The following RASGEF1C variants were observed in gnomAD, a reference collection of about 807,000 sequenced individuals.
The protein encoded by RASGEF1C is RasGEF domain family member 1C.
In RASGEF1C, 27 loss-of-function variants were observed where a neutral mutation model predicts 58.1. The observed-to-expected ratio is 0.46, with a 90% CI of 0.34 to 0.64. The LOEUF is 0.64. Among genes scored for constraint, RASGEF1C ranks in the 30% least tolerant of loss-of-function variants. The pLI is 0.01. For missense variants in RASGEF1C, 502 were observed against 605.1 expected (o/e 0.83, Z 1.79); for synonymous variants, 243 against 246.3 (o/e 0.99, Z 0.13).
intron 1 of RASGEF1C, among the ~76,000 whole-genome samples, chr5:180,184,821 T>C (rs1195483801): frequency 1.3e-5 from 2 of 152,222 alleles, no homozygotes; most frequent in African/African-American, 4.8e-5. Context: ...CATTCCATAA[T>C]GACAAAGGGT....
Position 180,119,141 on chromosome 5 carries a change from G to C in RASGEF1C, c.907+205C>G, listed in dbSNP as rs1766124400. 2.0e-5 allele frequency among the ~76,000 whole-genome samples: 3 copies of C among 152,254 alleles called. No homozygotes were observed. In the South Asian group the frequency reaches 6.2e-4, roughly 32 times the overall value. Reference sequence around the variant, plus strand: ...AAGCCCTCACCAAACATCCCGAGGGGGCTGGGCTTGCCTCAAAAGGGGTGG... The same window carrying C: ...AAGCCCTCACCAAACATCCCGAGGGCGCTGGGCTTGCCTCAAAAGGGGTGG... On this transcript the variant is annotated intron_variant, in intron 8 of 13. Coordinates refer to ENST00000361132, the MANE Select transcript of RASGEF1C (RefSeq NM_175062.4).
At position 180,127,369 on chromosome 5, in the gene RASGEF1C, C is replaced by T. The variant is rs569787905; in HGVS notation, c.714+240G>A. Among the ~76,000 whole-genome samples, 60 of 152,360 alleles carry T rather than the reference C, an allele frequency of 3.9e-4. No individual in the cohort carries two copies. In the South Asian group the frequency reaches 0.012, roughly 32 times the overall value. ...CTGGTTCCTGGCCCACTCCTCCTCC[C>T]TCGCTGGGTGGGTGACCCCCACGTC... On this transcript the variant is annotated intron_variant, in intron 6 of 13. Transcript: ENST00000361132.
intron 1 of RASGEF1C, among the ~76,000 whole-genome samples, chr5:180,187,150 C>A (rs1173409367): frequency 6.6e-6 from 1 of 152,048 alleles, no homozygotes; most frequent in Non-Finnish European, 1.5e-5. Flanking sequence ...GAAAAGGGAG[C>A]CAACATCATT....
chr5:180,184,178 AAAATAAATAAAT>A (rs71001083), intron 1 of RASGEF1C, among the ~76,000 whole-genome samples: 2 of 142,328 alleles, frequency 1.4e-5, no homozygotes, highest in African/African-American at 2.5e-5. Flanking sequence ...TAAATAAATA[AAAATAAATAAAT>A]AAATAAATAA....
intron 1 of RASGEF1C, among the ~76,000 whole-genome samples, chr5:180,192,455 C>T (rs79019095): frequency 0.034 from 5,225 of 151,890 alleles, 288 homozygotes; most frequent in African/African-American, 0.12. Context: ...GTCACACAGC[C>T]GCTTGAAAAA....
At chr5:180,128,086 C>T (rs1766293544) in intron 5 of RASGEF1C, among the ~76,000 whole-genome samples, 3 of 152,202 alleles carry the variant, frequency 2.0e-5, no homozygotes, top group Admixed American at 1.3e-4. Flanking sequence ...CCTTTCTGGG[C>T]CTTAGTTTCC....
chr5:180,190,326 A>G (rs112290361), intron 1 of RASGEF1C, among the ~76,000 whole-genome samples: 2,930 of 151,766 alleles, frequency 0.019, 91 homozygotes, highest in African/African-American at 0.067. Flanking sequence ...TCTCTACTAA[A>G]AACAAAACAA....
chr5:180,113,937 C>G (rs1284650490), intron 11 of RASGEF1C, among the ~76,000 whole-genome samples: 1 of 152,118 alleles, frequency 6.6e-6, no homozygotes, highest in African/African-American at 2.4e-5. Flanking sequence ...GGTGGGCTCT[C>G]TCTGCCTGGC....
chr5:180,128,970 C>T (rs970728096), intron 4 of RASGEF1C, among the ~76,000 whole-genome samples: 7 of 152,224 alleles, frequency 4.6e-5, no homozygotes, highest in African/African-American at 1.4e-4. Context: ...GGGAGAGAGG[C>T]GGGAGACATG....
chr5:180,118,558 C>T (rs2113252413), intron 10 of RASGEF1C, 51 bp downstream of exon 10: 2 of 1,488,996 alleles, frequency 1.3e-6, no homozygotes, highest in Middle Eastern at 2.3e-4. Flanking sequence ...TCTGAGCCAG[C>T]ACCCAGGTTC....
At chr5:180,150,821 C>T (rs1025102680) in intron 1 of RASGEF1C, among the ~76,000 whole-genome samples, 116 of 152,094 alleles carry the variant, frequency 7.6e-4, no homozygotes, top group Non-Finnish European at 9.3e-4. Flanking sequence ...AAAACCCCAT[C>T]GTCTCAGCCC....
intron 10 of RASGEF1C, 82 bp downstream of exon 10, chr5:180,118,527 C>A: frequency 1.6e-6 from 2 of 1,242,596 alleles, no homozygotes; most frequent in Non-Finnish European, 1.1e-6. Context: ...CTGCAGGGGG[C>A]AGGAGCTGCA....
chr5:180,127,169 T>C (rs1376540138), intron 6 of RASGEF1C, among the ~76,000 whole-genome samples: 1 of 152,080 alleles, frequency 6.6e-6, no homozygotes, highest in Non-Finnish European at 1.5e-5. Flanking sequence ...AGGAGTTCCC[T>C]TACCCATCCC....
At position 180,123,406 on chromosome 5, in the gene RASGEF1C, G is replaced by A. The variant is rs115265008; in HGVS notation, c.715-2257C>T. Among the ~76,000 whole-genome samples, 1,327 of 152,186 alleles carry A rather than the reference G, an allele frequency of 8.7e-3. 19 individuals are homozygous for A. The highest frequency in any genetic ancestry group is 0.03 in the African/African-American group (1,248 of 41,512). On this transcript the variant is annotated intron_variant, in intron 6 of 13. Transcript: ENST00000361132. The stretch of plus-strand genomic sequence containing the variant: ...ACAATTTGAAGCAATAAACAAACAC[G>A]GAAACTTGAACTTAACTACTTGAGA...
rs1402869246 is a variant in RASGEF1C at position 180,198,614 on chromosome 5, T to C, written c.-7+10414A>G. On this transcript the variant is annotated intron_variant, in intron 1 of 13. Coordinates refer to ENST00000361132, the MANE Select transcript of RASGEF1C (RefSeq NM_175062.4). This position sits in a 1 kb window ranked among gnomAD's most constrained non-coding sequence, Gnocchi z 4.5. ...AGCTCCCTCATACCTCTTTCTTTTA[T>C]AGGGGAACGAATTCCGTTTTTTAGG... is the stretch of plus-strand genomic sequence containing the variant. Among the ~76,000 whole-genome samples, 2 of 152,156 alleles carry C rather than the reference T, an allele frequency of 1.3e-5. No individual in the cohort carries two copies. The highest frequency in any genetic ancestry group is 2.4e-5 in the African/African-American group (1 of 41,438).
intron 1 of RASGEF1C, among the ~76,000 whole-genome samples, chr5:180,182,939 G>A (rs1322548369): frequency 1.3e-5 from 2 of 152,198 alleles, no homozygotes; most frequent in East Asian, 1.9e-4. Flanking sequence ...CTCCTCTTAG[G>A]TATAGGCAGG....
intron 4 of RASGEF1C, among the ~76,000 whole-genome samples, chr5:180,133,534 C>T (rs1766404909): frequency 6.6e-6 from 1 of 152,206 alleles, no homozygotes; most frequent in African/African-American, 2.4e-5. Context: ...TCTGAAAAGA[C>T]CCGTGCTCAC....
intron 1 of RASGEF1C, among the ~76,000 whole-genome samples, chr5:180,173,722 G>A (rs933762571): frequency 3.9e-5 from 6 of 152,082 alleles, no homozygotes; most frequent in South Asian, 4.2e-4. Flanking sequence ...AGACCAGCCT[G>A]GCCAACATGG....
intron 1 of RASGEF1C, among the ~76,000 whole-genome samples, chr5:180,187,648 G>C (rs1756064598): frequency 6.6e-6 from 1 of 152,076 alleles, no homozygotes; most frequent in African/African-American, 2.4e-5. Flanking sequence ...ATAACTTAAA[G>C]AAAATACAAA....
Sources: gnomAD v4.1 joint callset for allele counts (sites outside exome capture counted in the v4.1 genomes callset) on GRCh38, gnomAD v4.1.1 for gene constraint, Gnocchi (gnomAD v3.1) non-coding constraint, MANE v1.5 for transcripts, NCBI Gene and HGNC (gene_info 2026-07-23, HGNC 2026-07-21) for gene names.